ZBTB44: variants seen among roughly 807,000 people sequenced by gnomAD.
The protein encoded by ZBTB44 is zinc finger and BTB domain-containing protein 44.
ZBTB44 carries 15 observed loss-of-function variants against 54.0 expected under a neutral mutation model. The observed-to-expected ratio is 0.28, with a 90% CI of 0.19 to 0.43. ZBTB44 has a LOEUF of 0.43. ZBTB44 is among the 20% of genes least tolerant of loss of function. The probability of loss-of-function intolerance (pLI) is 1.00; values close to 1 mark genes in which losing one functional copy is unlikely to be tolerated. For synonymous variants in ZBTB44, 230 were observed against 250.1 expected, an observed-to-expected ratio of 0.92 and a Z score of 0.76; for missense variants, 487 against 707.1, an observed-to-expected ratio of 0.69 and a Z score of 3.53.
chr11:130,240,978 C>G (rs921268374), intron 2 of ZBTB44, among the ~76,000 whole-genome samples: 1 of 152,186 alleles, frequency 6.6e-6, no homozygotes, highest in African/African-American at 2.4e-5. Context: ...TGTTGTCTGG[C>G]TGTTTTATAT....
intron 1 of ZBTB44, chr11:130,296,981 CAAG>C (rs750678363): frequency 6.7e-6 from 5 of 745,290 alleles, no homozygotes; most frequent in Non-Finnish European, 1.2e-5. Context: ...ACCAGAAAAT[CAAG>C]AAAGTTGAGA....
At chr11:130,279,885 TAAG>T (rs1940383594) in intron 1 of ZBTB44, among the ~76,000 whole-genome samples, 1 of 152,162 alleles carries the variant, frequency 6.6e-6, no homozygotes, top group Non-Finnish European at 1.5e-5. Context: ...CAGAAGAGAT[TAAG>T]AACTATTGGT....
chr11:130,262,345 G>C (rs942949072), intron 1 of ZBTB44, among the ~76,000 whole-genome samples: 2 of 152,056 alleles, frequency 1.3e-5, no homozygotes, highest in African/African-American at 4.8e-5. Flanking sequence ...CACCATGTTG[G>C]CCAGGCTGGT....
chr11:130,307,515 C>A (rs996717608), intron 1 of ZBTB44, among the ~76,000 whole-genome samples: 2 of 152,044 alleles, frequency 1.3e-5, no homozygotes, highest in African/African-American at 2.4e-5. Flanking sequence ...TTTTAAAATG[C>A]CTTTTAAAGT....
chr11:130,236,333 T>C (rs1954109368), intron 5 of ZBTB44: 5 of 1,026,272 alleles, frequency 4.9e-6, no homozygotes, highest in Non-Finnish European at 6.2e-6. Context: ...ATAGTTGCCT[T>C]TGAAATTTTT....
At chr11:130,289,264 C>T (rs1941158085) in intron 1 of ZBTB44, among the ~76,000 whole-genome samples, 1 of 152,070 alleles carries the variant, frequency 6.6e-6, no homozygotes, top group South Asian at 2.1e-4. Flanking sequence ...ATGTGGGTCA[C>T]CTGAGGTCAG....
intron 1 of ZBTB44, chr11:130,284,962 C>CT (rs1464735025): frequency 7.9e-5 from 12 of 152,596 alleles, no homozygotes; most frequent in Non-Finnish European, 1.6e-4. Context: ...ATTTTGACTT[C>CT]TTTTCTTTGT....
At chr11:130,314,338 C>A (rs964156714) in intron 1 of ZBTB44, 37 bp downstream of exon 1, 2 of 152,708 alleles carry the variant, frequency 1.3e-5, no homozygotes, top group African/African-American at 4.8e-5. Context: ...GGGGCCGTCC[C>A]CCGCGCGACC....
At chr11:130,235,381 A>G (rs1473967909) in intron 5 of ZBTB44, among the ~76,000 whole-genome samples, 2 of 152,234 alleles carry the variant, frequency 1.3e-5, no homozygotes, top group African/African-American at 4.8e-5. Context: ...TATGATATGT[A>G]TAACCTAAGG....
chr11:130,295,195 T>G (rs1233928195), intron 1 of ZBTB44, among the ~76,000 whole-genome samples: 1 of 151,906 alleles, frequency 6.6e-6, no homozygotes, highest in Non-Finnish European at 1.5e-5. Flanking sequence ...AAACTCAAAA[T>G]GCAGATGTGT....
At chr11:130,269,086 T>C (rs1029246169) in intron 1 of ZBTB44, among the ~76,000 whole-genome samples, 2 of 149,282 alleles carry the variant, frequency 1.3e-5, no homozygotes, top group Non-Finnish European at 3.0e-5. Context: ...AGGTCAGGGG[T>C]CAAGACCAGC....
chr11:130,270,021 T>C (rs1939554091), intron 1 of ZBTB44, among the ~76,000 whole-genome samples: 1 of 152,184 alleles, frequency 6.6e-6, no homozygotes, highest in Non-Finnish European at 1.5e-5. Flanking sequence ...TGATAAAAAT[T>C]ATCAGAAGAT....
At chr11:130,253,323 C>A (rs113438863) in intron 2 of ZBTB44, among the ~76,000 whole-genome samples, 24 of 152,254 alleles carry the variant, frequency 1.6e-4, no homozygotes, top group Admixed American at 1.0e-3. Context: ...AAAACCCCAT[C>A]GTCTCAGCCC....
rs1158871993 is a variant in ZBTB44, at chr11:130,234,052, C to T, written c.1686+104G>A. On this transcript the variant is annotated intron_variant, in intron 6 of 7. Transcript: ENST00000357899. Reference sequence around the variant, plus strand: ...GGGGTCATCTCTGGTTGCCTCAGCACAAGCACTGCTCTTTGGCTGCTCTGG... The same window carrying T: ...GGGGTCATCTCTGGTTGCCTCAGCATAAGCACTGCTCTTTGGCTGCTCTGG... 14 of 1,532,314 alleles carry T rather than the reference C, an allele frequency of 9.1e-6. No homozygotes were observed. In the Admixed American group the frequency reaches 1.9e-4, roughly 21 times the overall value. The allele number at this position is 1,532,314 out of a possible 1,614,324, so 94.9% of individuals were successfully genotyped here.
In ZBTB44 at chr11:130,259,631, G is replaced by T. The variant is rs1176435308; in HGVS notation, c.1018+1225C>A. Reference sequence around the variant, plus strand: ...TGAAATACTATGCAGCCATAAAAAAGAATGAGTTCATGTCCTTTGCAGGGA... The same window carrying T: ...TGAAATACTATGCAGCCATAAAAAATAATGAGTTCATGTCCTTTGCAGGGA... On this transcript the variant is annotated intron_variant, in intron 2 of 7. Transcript: ENST00000357899. Among the ~76,000 whole-genome samples the T allele has an allele frequency of 4.6e-5, 7 of 152,078 alleles. No individual in the cohort carries two copies. The East Asian group carries it at 1.3e-3, about 29-fold the overall frequency.
intron 1 of ZBTB44, chr11:130,285,734 G>C (rs891232220): frequency 4.2e-6 from 1 of 235,920 alleles, no homozygotes; most frequent in African/African-American, 2.3e-5. Context: ...CTCTGGAATA[G>C]AGTAGTATTT....
chr11:130,310,084 G>C (rs1942500396), intron 1 of ZBTB44: 1 of 152,040 alleles, frequency 6.6e-6, no homozygotes, highest in African/African-American at 2.4e-5. Flanking sequence ...GGGAGGCCAA[G>C]GCAGCAGGAT....
chr11:130,277,653 G>GA (rs201642694), intron 1 of ZBTB44, among the ~76,000 whole-genome samples: 3,292 of 152,140 alleles, frequency 0.022, 94 homozygotes, highest in African/African-American at 0.066. Flanking sequence ...CAAGAAAGGA[G>GA]AAAAATGTTA....
At chr11:130,281,056 G>A (rs1285311728) in intron 1 of ZBTB44, among the ~76,000 whole-genome samples, 2 of 152,110 alleles carry the variant, frequency 1.3e-5, no homozygotes, top group African/African-American at 2.4e-5. Context: ...AAATCAAAAG[G>A]CAAGACACAA....
Sources: gnomAD v4.1 joint callset for allele counts (sites outside exome capture counted in the v4.1 genomes callset) on GRCh38, gnomAD v4.1.1 for gene constraint, MANE v1.5 for transcripts, NCBI Gene and HGNC (gene_info 2026-07-23, HGNC 2026-07-21) for gene names.